OTUD7B: variants seen among roughly 807,000 people sequenced by gnomAD.
OTUD7B encodes OTU domain-containing protein 7B.
A neutral mutation model predicts 82.2 loss-of-function variants in OTUD7B; 34 were observed. The ratio of observed to expected loss-of-function variants is 0.41; its 90% confidence interval spans 0.31 to 0.55. The LOEUF (loss-of-function observed/expected upper bound fraction) is 0.55, where lower values mean the gene tolerates loss of function less well. Ranked by LOEUF, OTUD7B falls within the 20% of genes least tolerant of loss-of-function variation. The pLI, the probability that OTUD7B is intolerant of heterozygous loss-of-function variation, is 0.20. For missense variants in OTUD7B, 944 were observed against 1,062.1 expected, an observed-to-expected ratio of 0.89 and a Z score of 1.55; for synonymous variants, 398 against 402.7, an observed-to-expected ratio of 0.99 and a Z score of 0.14.
At chr1:150,046,601 C>T in the OTUD7B span, among the ~76,000 whole-genome samples, 93 of 134,922 alleles carry the variant, frequency 6.9e-4, no homozygotes, top group Middle Eastern at 3.5e-3. Flanking sequence ...GCGCATGCAA[C>T]CACACCTGGC....
At chr1:149,971,573 GCCCAAAGT>G (rs1649940099) in intron 2 of OTUD7B, among the ~76,000 whole-genome samples, 1 of 151,998 alleles carries the variant, frequency 6.6e-6, no homozygotes, top group African/African-American at 2.4e-5. Context: ...TAAATTATTT[GCCCAAAGT>G]CACAGCTAGT....
chr1:150,032,045 T>C, the OTUD7B span, among the ~76,000 whole-genome samples: 20 of 152,270 alleles, frequency 1.3e-4, no homozygotes, highest in Admixed American at 4.6e-4. Context: ...GCACGGTGGC[T>C]CATGCCTGTA....
chr1:150,025,620 A>G, the OTUD7B span, among the ~76,000 whole-genome samples: 1 of 152,188 alleles, frequency 6.6e-6, no homozygotes, highest in African/African-American at 2.4e-5. Context: ...TCAACTTCAG[A>G]GCCTCACATC....
intron 6 of OTUD7B, chr1:149,963,694 A>C (rs1278703542): frequency 6.5e-6 from 1 of 153,302 alleles, no homozygotes; most frequent in Non-Finnish European, 1.5e-5. Flanking sequence ...TACTGTTCAG[A>C]CTCAATTAAA....
At chr1:150,046,239 A>C in the OTUD7B span, among the ~76,000 whole-genome samples, 1 of 152,062 alleles carries the variant, frequency 6.6e-6, no homozygotes, top group African/African-American at 2.4e-5. Context: ...CTTCCCCCAA[A>C]ACCTGCTTTT....
chr1:149,948,119 A>G (rs1242581207), intron 10 of OTUD7B, among the ~76,000 whole-genome samples: 3 of 152,032 alleles, frequency 2.0e-5, no homozygotes, highest in Non-Finnish European at 4.4e-5. Flanking sequence ...AGATGGGATT[A>G]TAGACATGCA....
the OTUD7B span, among the ~76,000 whole-genome samples, chr1:150,016,446 C>CTTTTCT: frequency 1.0e-4 from 13 of 130,056 alleles, 3 homozygotes; most frequent in South Asian, 2.3e-4. Context: ...TTTCTCTTTT[C>CTTTTCT]TTTTTCTTTT....
At chr1:150,005,416 C>CT (rs1404854382) in intron 1 of OTUD7B, among the ~76,000 whole-genome samples, 1 of 152,166 alleles carries the variant, frequency 6.6e-6, no homozygotes, top group African/African-American at 2.4e-5. Flanking sequence ...TAATCCCTAT[C>CT]TAGTTGTATA....
the OTUD7B span, among the ~76,000 whole-genome samples, chr1:150,033,974 C>T: frequency 6.6e-6 from 1 of 152,130 alleles, no homozygotes; most frequent in South Asian, 2.1e-4. Flanking sequence ...CCCACCTCAG[C>T]CTCCCAAAGT....
the OTUD7B span, among the ~76,000 whole-genome samples, chr1:150,035,433 T>C: frequency 6.6e-6 from 1 of 152,258 alleles, no homozygotes; most frequent in East Asian, 1.9e-4. Context: ...ATGGGTGGCA[T>C]GGATGCCCTC....
At chr1:150,009,002 A>T (rs1032716193) in intron 1 of OTUD7B, among the ~76,000 whole-genome samples, 1 of 152,202 alleles carries the variant, frequency 6.6e-6, no homozygotes, top group Non-Finnish European at 1.5e-5. Context: ...TTTATTTTAC[A>T]GTTTTGTTCA....
At chr1:149,949,874 C>T in intron 8 of OTUD7B, 96 bp from the exon 9 acceptor site, 2 of 1,372,450 alleles carry the variant, frequency 1.5e-6, no homozygotes, top group Non-Finnish European at 2.0e-6. Context: ...TCCCTGCTTT[C>T]ATTCCAACAT....
upstream of OTUD7B, among the ~76,000 whole-genome samples, chr1:150,014,330 A>G (rs1280241025): frequency 6.8e-6 from 1 of 147,310 alleles, no homozygotes; most frequent in Non-Finnish European, 1.5e-5. Context: ...AGTCTGGGAG[A>G]TCGAGGCTCA....
the OTUD7B span, among the ~76,000 whole-genome samples, chr1:150,042,105 CCCT>C: frequency 2.3e-4 from 3 of 13,132 alleles, no homozygotes; most frequent in South Asian, 1.5e-3. Context: ...GAGGTGCAGA[CCCT>C]CCCTCCCTCC....
chr1:150,019,376 T>G, the OTUD7B span, among the ~76,000 whole-genome samples: 4 of 152,134 alleles, frequency 2.6e-5, no homozygotes, highest in African/African-American at 9.7e-5. Context: ...TTTGTTTGTT[T>G]GTTTGTTTGG....
Position 149,964,286 on chromosome 1 carries a change from T to C in OTUD7B, c.668A>G (p.Lys223Arg). The C allele has an allele frequency of 6.2e-7, 1 of 1,614,104 alleles. No individual in the cohort carries two copies. Among genetic ancestry groups the C allele is most frequent in the Non-Finnish European group, 8.5e-7 (1 of 1,179,988 alleles). Reference protein sequence around the residue: ...LRKALYALMEKGVEKEALKRR... With the variant: ...LRKALYALMERGVEKEALKRR... The stretch of plus-strand genomic sequence containing the variant: ...TTTCAACGCTTCCTTCTCAACTCCC[T>C]TCTCCATCAGTGCATACAAAGCTTT... Residue 223 changes from lysine to arginine, a missense_variant, in exon 6 of 12, where the codon AAG (lysine) becomes AGG (arginine). Coordinates refer to ENST00000581312, the MANE Select transcript of OTUD7B (RefSeq NM_020205.4).
intron 7 of OTUD7B, among the ~76,000 whole-genome samples, chr1:149,958,577 G>A (rs1553775014): frequency 6.6e-6 from 1 of 151,520 alleles, no homozygotes; most frequent in African/African-American, 2.4e-5. Context: ...GCCTCCCAAA[G>A]TTCTGGGATT....
chr1:150,052,281 T>G, the OTUD7B span, among the ~76,000 whole-genome samples: 3 of 152,204 alleles, frequency 2.0e-5, no homozygotes, highest in Admixed American at 6.6e-5. Flanking sequence ...CCCATAGTCT[T>G]GGCTCAAAAG....
At chr1:149,964,064 C>T in intron 6 of OTUD7B, 158 bp downstream of exon 6, 1 of 750,062 alleles carries the variant, frequency 1.3e-6, no homozygotes, top group South Asian at 1.8e-5. Flanking sequence ...AAGGCATTTA[C>T]CCCATTGGTG....
Sources: gnomAD v4.1 joint callset for allele counts (sites outside exome capture counted in the v4.1 genomes callset) on GRCh38, gnomAD v4.1.1 for gene constraint, MANE v1.5 for transcripts, NCBI Gene and HGNC (gene_info 2026-07-23, HGNC 2026-07-21) for gene names.